The following PTPRT variants were observed in gnomAD, a reference collection of about 807,000 sequenced individuals.
PTPRT encodes protein tyrosine phosphatase receptor type T, also known as receptor-type tyrosine-protein phosphatase T.
In PTPRT, 56 loss-of-function variants were observed where a neutral mutation model predicts 176.8. The ratio of observed to expected loss-of-function variants is 0.32; its 90% confidence interval spans 0.26 to 0.40. PTPRT has a LOEUF of 0.40. Ranked by LOEUF, PTPRT falls within the 10% of genes least tolerant of loss-of-function variation. PTPRT has a pLI of 1.00. For synonymous variants in PTPRT, 783 were observed against 739.0 expected, an observed-to-expected ratio of 1.06 and a Z score of -0.96; for missense variants, 1,540 against 1,908.2, an observed-to-expected ratio of 0.81 and a Z score of 3.60.
In PTPRT at chr20:42,869,388, C is replaced by T. The variant is rs564406219; in HGVS notation, c.214+16419G>A. On this transcript the variant is annotated intron_variant, in intron 2 of 30. Transcript: ENST00000373187. ...GGGGCTGCCTGGGTCTTTGGCCCAC[C>T]CTTGCTGCACGGTGTCCAAAAGGCA... Among the ~76,000 whole-genome samples, 11 of 152,224 alleles carry T rather than the reference C, an allele frequency of 7.2e-5. No homozygotes were observed. In the South Asian group the frequency reaches 2.1e-3, roughly 29 times the overall value.
chr20:42,775,080 A>G (rs2077115715), intron 4 of PTPRT, among the ~76,000 whole-genome samples: 1 of 152,170 alleles, frequency 6.6e-6, no homozygotes, highest in Non-Finnish European at 1.5e-5. Flanking sequence ...CAGGTCAGCC[A>G]TCGGCTCGTG....
chr20:43,066,485 C>A (rs1310023053), intron 1 of PTPRT, among the ~76,000 whole-genome samples: 1 of 152,124 alleles, frequency 6.6e-6, no homozygotes, highest in Non-Finnish European at 1.5e-5. Flanking sequence ...AGGAATAAGT[C>A]GGTATGCTTT....
At chr20:42,642,522 A>C (rs745676275) in intron 7 of PTPRT, among the ~76,000 whole-genome samples, 20 of 152,158 alleles carry the variant, frequency 1.3e-4, no homozygotes, top group Non-Finnish European at 2.8e-4. Flanking sequence ...CTGTAGAGTT[A>C]ATACAATGTG....
At chr20:42,859,957 T>C (rs983187282) in intron 2 of PTPRT, among the ~76,000 whole-genome samples, 1 of 152,186 alleles carries the variant, frequency 6.6e-6, no homozygotes, top group East Asian at 1.9e-4. Flanking sequence ...TTTTTCTTTA[T>C]GGCTGTACCT....
intron 7 of PTPRT, among the ~76,000 whole-genome samples, chr20:42,545,500 C>T (rs900072574): frequency 1.3e-5 from 2 of 152,146 alleles, no homozygotes; most frequent in African/African-American, 4.8e-5. Flanking sequence ...TACCATTTTG[C>T]TCAACCCACA....
intron 5 of PTPRT, 61 bp from the exon 6 acceptor site, chr20:42,756,697 T>G (rs2076838434): frequency 7.2e-7 from 1 of 1,386,092 alleles, no homozygotes; most frequent in East Asian, 2.5e-5. Context: ...TCTAGGTGAC[T>G]CCCAACACGG....
chr20:43,003,788 T>C (rs1290267254), intron 1 of PTPRT, among the ~76,000 whole-genome samples: 2 of 152,120 alleles, frequency 1.3e-5, no homozygotes, highest in East Asian at 3.8e-4. Context: ...CATAGGCACA[T>C]TTGAGAAGCA....
intron 17 of PTPRT, among the ~76,000 whole-genome samples, chr20:42,151,919 T>A (rs1184395448): frequency 1.3e-5 from 2 of 152,100 alleles, no homozygotes; most frequent in Non-Finnish European, 2.9e-5. Flanking sequence ...AAAATAGCAT[T>A]TAGGGAATGG....
intron 1 of PTPRT, among the ~76,000 whole-genome samples, chr20:43,026,721 AC>A (rs1985928412): frequency 6.6e-6 from 1 of 151,950 alleles, no homozygotes; most frequent in Admixed American, 6.6e-5. Flanking sequence ...ATCATCCCCA[AC>A]CCCTTCCACA....
At chr20:42,045,216 G>T in the PTPRT span, among the ~76,000 whole-genome samples, 1 of 151,988 alleles carries the variant, frequency 6.6e-6, no homozygotes, top group African/African-American at 2.4e-5. Flanking sequence ...TTTGGGAGGG[G>T]ATTATTCTAC....
intron 1 of PTPRT, among the ~76,000 whole-genome samples, chr20:42,894,228 G>C (rs545813943): frequency 6.6e-6 from 1 of 152,084 alleles, no homozygotes; most frequent in Non-Finnish European, 1.5e-5. Flanking sequence ...GAGTATTTGC[G>C]AGAGGACCAG....
chr20:43,057,876 G>T (rs1317265326), intron 1 of PTPRT, among the ~76,000 whole-genome samples: 2 of 152,162 alleles, frequency 1.3e-5, no homozygotes, highest in Non-Finnish European at 2.9e-5. Context: ...CTTCCTTCTA[G>T]ACTATAAATG....
chr20:42,559,189 A>T lies in PTPRT; in HGVS notation c.1154-86627T>A, dbSNP rs754427094. Among the ~76,000 whole-genome samples the T allele has an allele frequency of 1.5e-3, 224 of 152,320 alleles. 1 individual carries two copies. Among genetic ancestry groups the T allele is most frequent in the Non-Finnish European group, 2.5e-3 (169 of 68,022 alleles). Reference sequence around the variant, plus strand: ...TGCAAAATTCTGCCCTTTGAGCAGGATTTAATGTTTAATTCCATGCTGCCT... The same window carrying T: ...TGCAAAATTCTGCCCTTTGAGCAGGTTTTAATGTTTAATTCCATGCTGCCT... On this transcript the variant is annotated intron_variant, in intron 7 of 30. Transcript: ENST00000373187.
At chr20:43,090,536 G>A (rs1333058173) in intron 1 of PTPRT, among the ~76,000 whole-genome samples, 2 of 152,046 alleles carry the variant, frequency 1.3e-5, no homozygotes, top group Non-Finnish European at 1.5e-5. Context: ...CCAAAGTGCC[G>A]GGATTCCAGT....
intron 1 of PTPRT, among the ~76,000 whole-genome samples, chr20:43,117,181 C>T (rs919283603): frequency 3.3e-5 from 5 of 152,120 alleles, no homozygotes; most frequent in Non-Finnish European, 4.4e-5. Context: ...AAGCAAGTCA[C>T]GTGCTTGACA....
intron 1 of PTPRT, among the ~76,000 whole-genome samples, chr20:43,175,493 A>T (rs2015104062): frequency 6.6e-6 from 1 of 152,248 alleles, no homozygotes; most frequent in Non-Finnish European, 1.5e-5. Context: ...CATCTCTTGG[A>T]GCTGTGACTG....
intron 5 of PTPRT, among the ~76,000 whole-genome samples, chr20:42,759,360 G>A (rs145626492): frequency 3.2e-4 from 48 of 152,122 alleles, no homozygotes; most frequent in African/African-American, 9.2e-4. Context: ...ACTTCTTATC[G>A]CTGTCATATA....
chr20:42,056,118 G>T, the PTPRT span, among the ~76,000 whole-genome samples: 1 of 152,210 alleles, frequency 6.6e-6, no homozygotes, highest in South Asian at 2.1e-4. Flanking sequence ...AGTTCTAATT[G>T]TATTGAGAGG....
chr20:42,485,902 T>C (rs1185741299), intron 7 of PTPRT, among the ~76,000 whole-genome samples: 1 of 152,236 alleles, frequency 6.6e-6, no homozygotes, highest in Non-Finnish European at 1.5e-5. Context: ...GGGAGGCTTA[T>C]TTTCTGTCGA....
Sources: allele counts gnomAD v4.1 joint callset (sites outside exome capture counted in the v4.1 genomes callset), GRCh38; gene constraint gnomAD v4.1.1; transcripts MANE v1.5; gene names NCBI Gene and HGNC (gene_info 2026-07-23, HGNC 2026-07-21).